PRMT8: variants seen among roughly 807,000 people sequenced by gnomAD.
The protein encoded by PRMT8 is protein arginine N-methyltransferase 8.
PRMT8 carries 7 observed loss-of-function variants against 47.1 expected under a neutral mutation model. The ratio of observed to expected loss-of-function variants is 0.15; its 90% CI spans 0.08 to 0.28. The LOEUF is 0.28. Ranked by LOEUF, PRMT8 falls within the 10% of genes least tolerant of loss-of-function variation. The probability of loss-of-function intolerance (pLI) is 1.00; values close to 1 mark genes in which losing one functional copy is unlikely to be tolerated. For missense variants in PRMT8, 237 were observed against 505.4 expected, an observed-to-expected ratio of 0.47 and a Z score of 5.09; for synonymous variants, 188 against 186.5, an observed-to-expected ratio of 1.01 and a Z score of -0.07.
intron 1 of PRMT8, among the ~76,000 whole-genome samples, chr12:3,471,270 G>T (rs773002608): frequency 2.7e-4 from 41 of 152,174 alleles, no homozygotes; most frequent in Non-Finnish European, 4.1e-4. Flanking sequence ...TGGGAGTGCG[G>T]TGGCTTGCTC....
chr12:3,568,875 G>A (rs201883966), intron 5 of PRMT8, 27 bp downstream of exon 5: 713 of 1,613,106 alleles, frequency 4.4e-4, no homozygotes, highest in East Asian at 1.4e-3. Context: ...CTGTCCCCGC[G>A]TTGGCCGGCT....
At chr12:3,586,707 C>T (rs1304018600) in intron 8 of PRMT8, among the ~76,000 whole-genome samples, 1 of 152,172 alleles carries the variant, frequency 6.6e-6, no homozygotes. Context: ...GATGCATGCT[C>T]CAGCTTAAGG....
intron 4 of PRMT8, among the ~76,000 whole-genome samples, chr12:3,554,559 G>A (rs1206016318): frequency 2.0e-5 from 3 of 152,216 alleles, no homozygotes; most frequent in African/African-American, 4.8e-5. Flanking sequence ...GACAGAGGCC[G>A]CCTGCAGCAG....
intron 1 of PRMT8, among the ~76,000 whole-genome samples, chr12:3,398,051 C>T (rs1026312956): frequency 6.6e-6 from 1 of 152,228 alleles, no homozygotes; most frequent in Non-Finnish European, 1.5e-5. Flanking sequence ...GGCAATGCCT[C>T]GCCCTGCTTC....
chr12:3,506,291 A>G (rs572246995), intron 1 of PRMT8, among the ~76,000 whole-genome samples: 10 of 152,364 alleles, frequency 6.6e-5, no homozygotes, highest in East Asian at 3.9e-4. Flanking sequence ...AATACTCAAG[A>G]AAGATTAGCT....
chr12:3,475,201 G>A lies in PRMT8; in HGVS notation c.49-65405G>A, dbSNP rs552608237. Among the ~76,000 whole-genome samples the A allele has an allele frequency of 1.3e-3, 193 of 152,220 alleles. 1 individual carries two copies. Among genetic ancestry groups the A allele is most frequent in the Non-Finnish European group, 2.0e-3 (137 of 68,046 alleles). ...ACCCAGTGGCCGTGGAACATCTTGG[G>A]TTGGCTTGGAGGTCCTGGAGTGGTG... On this transcript the variant is annotated intron_variant, in intron 1 of 9. Transcript: ENST00000452611.
At position 3,496,215 on chromosome 12, in the gene PRMT8, T is replaced by TATATA. The variant is rs1555085719; in HGVS notation, c.75+4515_75+4516insATATA. Among the ~76,000 whole-genome samples the TATATA allele has an allele frequency of 1.6e-3, 38 of 24,302 alleles. 1 individual carries two copies. Among genetic ancestry groups the TATATA allele is most frequent in the South Asian group, 8.4e-3 (5 of 594 alleles). The allele number at this position is 24,302 out of a possible 152,430, so 15.9% of individuals were successfully genotyped here. On this transcript the variant is annotated intron_variant, in intron 1 of 9. Transcript: ENST00000382622. ...TTGGAAACTGATATATATATATATA[T>TATATA]TTTTTTTTTTTTTTTTTTTTTTTTT... is the stretch of plus-strand genomic sequence containing the variant.
At chr12:3,433,779 T>C (rs1591548632) in intron 1 of PRMT8, among the ~76,000 whole-genome samples, 2 of 152,188 alleles carry the variant, frequency 1.3e-5, no homozygotes, top group African/African-American at 4.8e-5. Flanking sequence ...GCCCAGCTAA[T>C]TTTTGTATTT....
intron 1 of PRMT8, among the ~76,000 whole-genome samples, chr12:3,384,254 T>C (rs1175332975): frequency 2.1e-5 from 3 of 143,264 alleles, no homozygotes; most frequent in Non-Finnish European, 4.6e-5. Context: ...CCTCTATTCC[T>C]TTTTTTTTTT....
chr12:3,545,664 C>T (rs149359991), intron 2 of PRMT8, among the ~76,000 whole-genome samples: 8 of 152,242 alleles, frequency 5.3e-5, no homozygotes, highest in African/African-American at 1.4e-4. Context: ...TGAGGTGACA[C>T]GTTACAAAGC....
chr12:3,561,687 C>T (rs974346450), intron 4 of PRMT8, among the ~76,000 whole-genome samples: 6 of 152,164 alleles, frequency 3.9e-5, no homozygotes, highest in East Asian at 1.9e-4. Context: ...GATGCCATGG[C>T]GGTGGGGCCT....
chr12:3,405,543 A>G (rs1019150324), intron 1 of PRMT8, among the ~76,000 whole-genome samples: 1 of 152,222 alleles, frequency 6.6e-6, no homozygotes, highest in Non-Finnish European at 1.5e-5. Flanking sequence ...TCGCCTATAA[A>G]ATCAAAAGCA....
At chr12:3,388,567 T>C (rs1162106525) in intron 1 of PRMT8, among the ~76,000 whole-genome samples, 2 of 152,146 alleles carry the variant, frequency 1.3e-5, no homozygotes, top group Non-Finnish European at 2.9e-5. Context: ...GTGTTTATTA[T>C]CATTTTAGAG....
chr12:3,399,945 T>C (rs534856405), intron 1 of PRMT8, among the ~76,000 whole-genome samples: 15 of 152,366 alleles, frequency 9.8e-5, no homozygotes, highest in African/African-American at 3.4e-4. Flanking sequence ...TGAGTAACAG[T>C]GTTATGACAA....
intron 1 of PRMT8, among the ~76,000 whole-genome samples, chr12:3,483,932 G>A (rs1380556229): frequency 6.6e-6 from 1 of 152,192 alleles, no homozygotes; most frequent in African/African-American, 2.4e-5. Flanking sequence ...AAGTGATGAG[G>A]AAATCGAGTG....
chr12:3,449,389 C>T (rs1256881705), intron 1 of PRMT8, among the ~76,000 whole-genome samples: 1 of 152,214 alleles, frequency 6.6e-6, no homozygotes, highest in Non-Finnish European at 1.5e-5. Flanking sequence ...CACAGCCTCA[C>T]CAGCATCTGT....
chr12:3,576,109 A>G lies in PRMT8; in HGVS notation c.713-762A>G, dbSNP rs1866938691. ...AACCCCCTAGATCTTTCTCCCTCCC[A>G]TACAAAGTATCTTATGAGTAGCCCA... On this transcript the variant is annotated intron_variant, in intron 6 of 9. Coordinates refer to ENST00000382622, the MANE Select transcript of PRMT8 (RefSeq NM_019854.5). The surrounding 1 kb of genome is among the most constrained non-coding windows in gnomAD (Gnocchi z 4.0). Among the ~76,000 whole-genome samples, 1 of 152,204 alleles carries G rather than the reference A, an allele frequency of 6.6e-6. No homozygotes were observed. The highest frequency in any genetic ancestry group is 6.5e-5 in the Admixed American group (1 of 15,294).
At chr12:3,553,884 C>T (rs1308035988) in intron 4 of PRMT8, among the ~76,000 whole-genome samples, 170 bp downstream of exon 4, 1 of 152,168 alleles carries the variant, frequency 6.6e-6, no homozygotes, top group African/African-American at 2.4e-5. Context: ...TGATGTTCCC[C>T]CCGACACCAG....
intron 1 of PRMT8, among the ~76,000 whole-genome samples, chr12:3,531,336 G>A (rs1866027639): frequency 6.6e-6 from 1 of 152,214 alleles, no homozygotes; most frequent in African/African-American, 2.4e-5. Flanking sequence ...GCATAGGGAA[G>A]TCTGCTTTTA....
Sources: gnomAD v4.1 joint callset for allele counts (sites outside exome capture counted in the v4.1 genomes callset) on GRCh38, gnomAD v4.1.1 for gene constraint, Gnocchi (gnomAD v3.1) non-coding constraint, MANE v1.5 for transcripts, NCBI Gene and HGNC (gene_info 2026-07-23, HGNC 2026-07-21) for gene names.